OSBPL10: variants seen among roughly 807,000 people sequenced by gnomAD.
OSBPL10 encodes the protein oxysterol-binding protein-related protein 10.
OSBPL10 carries 49 observed loss-of-function variants against 81.7 expected under a neutral mutation model. The observed-to-expected ratio is 0.60, with a 90% confidence interval of 0.48 to 0.76. The LOEUF (loss-of-function observed/expected upper bound fraction) is 0.76. Ranked by LOEUF, OSBPL10 falls within the 30% of genes least tolerant of loss-of-function variation. OSBPL10 has a pLI of 0.00. For missense variants in OSBPL10, 923 were observed against 987.8 expected (o/e 0.93, Z 0.88); for synonymous variants, 419 against 383.6 (o/e 1.09, Z -1.08).
intron 1 of OSBPL10, among the ~76,000 whole-genome samples, chr3:31,951,907 G>A (rs1358794662): frequency 2.6e-5 from 4 of 151,958 alleles, no homozygotes; most frequent in African/African-American, 7.2e-5. Context: ...TTCCACCAGC[G>A]AAGAAAAAAA....
intron 1 of OSBPL10, among the ~76,000 whole-genome samples, chr3:32,072,904 A>G (rs748413816): frequency 6.6e-6 from 1 of 152,120 alleles, no homozygotes; most frequent in Non-Finnish European, 1.5e-5. Flanking sequence ...ACCTCTATAC[A>G]GTCTGATAGT....
In OSBPL10 at chr3:31,981,001, G is replaced by A; in HGVS notation, c.179C>T (p.Ser60Phe). 2 of 1,510,848 alleles carry A rather than the reference G, an allele frequency of 1.3e-6. No individual in the cohort carries two copies. Among genetic ancestry groups the A allele is most frequent in the East Asian group, 2.8e-5 (1 of 36,346 alleles). 93.6% of individuals were successfully genotyped at this position (1,510,848 alleles called of 1,614,324 possible). The change falls in exon 1 of 12, where the codon TCT (serine) becomes TTT (phenylalanine). Residue 60 changes from serine to phenylalanine, a missense_variant. By Grantham distance (155) the Ser-to-Phe change is radical. Coordinates refer to ENST00000396556, the MANE Select transcript of OSBPL10 (RefSeq NM_017784.5). The surrounding 1 kb of genome is among the most constrained non-coding windows in gnomAD (Gnocchi z 4.5). ...TCCCCCGGACGGGCTAGCGGCCACA[G>A]AGCCCGGGCTGCTGCGGCTTCCCCC... ...GGGGSRSSPG[S>F]VAASPSGGGG...
intron 1 of OSBPL10, among the ~76,000 whole-genome samples, chr3:31,887,432 A>G (rs1346537620): frequency 6.6e-6 from 1 of 152,184 alleles, no homozygotes; most frequent in Non-Finnish European, 1.5e-5. Context: ...TCAACAGACT[A>G]AAGTCAGCAA....
intron 1 of OSBPL10, among the ~76,000 whole-genome samples, chr3:31,932,948 G>C (rs1217892530): frequency 6.6e-6 from 1 of 151,988 alleles, no homozygotes; most frequent in Non-Finnish European, 1.5e-5. Flanking sequence ...CTGTACACTT[G>C]AAAAGGTTCA....
chr3:31,917,313 T>G (rs1341813795), intron 1 of OSBPL10, among the ~76,000 whole-genome samples: 1 of 152,214 alleles, frequency 6.6e-6, no homozygotes, highest in East Asian at 1.9e-4. Flanking sequence ...ACAGTCTTTA[T>G]AGTGAAAAGC....
chr3:31,942,743 T>C (rs972408047), intron 1 of OSBPL10, among the ~76,000 whole-genome samples: 2 of 152,040 alleles, frequency 1.3e-5, no homozygotes, highest in Admixed American at 6.6e-5. Flanking sequence ...CAAAAAGTGA[T>C]AGCCACTGTC....
At chr3:31,792,352 T>C (rs1699034589) in intron 4 of OSBPL10, among the ~76,000 whole-genome samples, 1 of 152,054 alleles carries the variant, frequency 6.6e-6, no homozygotes, top group African/African-American at 2.4e-5. Flanking sequence ...AGAAAAATAA[T>C]TATCGAGTTG....
intron 1 of OSBPL10, among the ~76,000 whole-genome samples, chr3:32,060,989 A>C (rs1379231317): frequency 2.1e-5 from 1 of 46,664 alleles, no homozygotes; most frequent in African/African-American, 4.5e-5. Flanking sequence ...AAAAAAAAAA[A>C]CCCTCAGAGG....
intron 4 of OSBPL10, among the ~76,000 whole-genome samples, chr3:31,808,926 A>G (rs1330769955): frequency 6.6e-6 from 1 of 152,214 alleles, no homozygotes; most frequent in Non-Finnish European, 1.5e-5. Flanking sequence ...GGAATCAATT[A>G]ATACCTCTTC....
At chr3:31,993,343 G>A (rs903653147) in intron 2 of OSBPL10, among the ~76,000 whole-genome samples, 2 of 151,908 alleles carry the variant, frequency 1.3e-5, no homozygotes, top group African/African-American at 4.8e-5. Flanking sequence ...CCGGTAGCTG[G>A]GATTACAGGC....
chr3:31,951,267 C>T (rs532874562), intron 1 of OSBPL10, among the ~76,000 whole-genome samples: 18 of 149,222 alleles, frequency 1.2e-4, no homozygotes, highest in African/African-American at 3.7e-4. Context: ...GGAAACAAAA[C>T]GGGAAAAAAA....
chr3:31,712,487 T>C (rs904131105), intron 6 of OSBPL10, among the ~76,000 whole-genome samples: 1 of 152,216 alleles, frequency 6.6e-6, no homozygotes, highest in Non-Finnish European at 1.5e-5. Flanking sequence ...TTAGAGAATC[T>C]TTCCACGCTG....
At chr3:31,968,097 T>G (rs1698453615) in intron 1 of OSBPL10, among the ~76,000 whole-genome samples, 1 of 152,264 alleles carries the variant, frequency 6.6e-6, no homozygotes, top group Non-Finnish European at 1.5e-5. Context: ...GCTTTATTAT[T>G]TTTTCTTTCT....
chr3:31,992,651 G>A (rs1699046788), intron 2 of OSBPL10, among the ~76,000 whole-genome samples: 2 of 152,214 alleles, frequency 1.3e-5, no homozygotes, highest in East Asian at 1.9e-4. Context: ...GAGCACACCT[G>A]GATGATCTTT....
intron 2 of OSBPL10, among the ~76,000 whole-genome samples, chr3:32,015,509 C>A (rs1247457928): frequency 6.6e-6 from 1 of 152,152 alleles, no homozygotes; most frequent in African/African-American, 2.4e-5. Flanking sequence ...AGAAGAAAAC[C>A]TGGGCAATAC....
At chr3:31,806,143 A>G (rs1699518141) in intron 4 of OSBPL10, among the ~76,000 whole-genome samples, 1 of 152,102 alleles carries the variant, frequency 6.6e-6, no homozygotes, top group African/African-American at 2.4e-5. Flanking sequence ...TCATGCCGTC[A>G]CACCACTTAC....
chr3:31,684,113 A>T lies in OSBPL10; in HGVS notation c.1247T>A (p.Val416Glu). Reference sequence around the variant, plus strand: ...CTCCAGGATAAAGGTGGGAAGCACCACCTGCATTTGGAAGGACACAAAGTC... The same window carrying T: ...CTCCAGGATAAAGGTGGGAAGCACCTCCTGCATTTGGAAGGACACAAAGTC... ...QLKLGMDLTK[V>E]VLPTFILEKR... The change falls in exon 8 of 12, where the codon GTG (valine) becomes GAG (glutamate). Residue 416 changes from valine (V) to glutamate (E), a missense_variant and splice_region_variant. Val to Glu is a moderately radical substitution (Grantham distance 121). This residue lies in a region of OSBPL10 where 22 missense variants were observed against 43.4 expected (regional missense o/e 0.51). Coordinates refer to ENST00000396556, the MANE Select transcript of OSBPL10 (RefSeq NM_017784.5). 1 of 1,611,816 alleles carries T rather than the reference A, an allele frequency of 6.2e-7. No homozygotes were observed. Among genetic ancestry groups the T allele is most frequent in the Non-Finnish European group, 8.5e-7 (1 of 1,178,050 alleles).
intron 11 of OSBPL10, chr3:31,663,638 T>C (rs1700117901): frequency 9.5e-7 from 1 of 1,050,858 alleles, no homozygotes; most frequent in Non-Finnish European, 1.1e-6. Flanking sequence ...GGCAAAGCTC[T>C]GAAAGGCAAT....
At chr3:31,980,453 C>T (rs987810491) in intron 1 of OSBPL10, among the ~76,000 whole-genome samples, 4 of 152,186 alleles carry the variant, frequency 2.6e-5, no homozygotes, top group Non-Finnish European at 4.4e-5. Flanking sequence ...TTAAAATGAA[C>T]TGTTACTTAG....
Sources: allele counts gnomAD v4.1 joint callset (sites outside exome capture counted in the v4.1 genomes callset), GRCh38; gene constraint gnomAD v4.1.1; regional missense constraint gnomAD v4.1.1; non-coding constraint Gnocchi (gnomAD v3.1); transcripts MANE v1.5; gene names NCBI Gene and HGNC (gene_info 2026-07-23, HGNC 2026-07-21).